Variants in SUPT3H observed in about 807,000 individuals in gnomAD.
The protein encoded by SUPT3H is SPT3 homolog, SAGA and STAGA complex component.
In SUPT3H, 44 loss-of-function variants were observed where a neutral mutation model predicts 44.3. That is an observed-to-expected ratio of 0.99 (90% CI 0.78 to 1.28). The LOEUF (loss-of-function observed/expected upper bound fraction) is 1.28, where lower values mean the gene tolerates loss of function less well. Ranked by LOEUF, SUPT3H falls within the 50% of genes most tolerant of loss-of-function variation. SUPT3H has a pLI of 0.00. For synonymous variants in SUPT3H, 124 were observed against 125.6 expected, an observed-to-expected ratio of 0.99 and a Z score of 0.09; for missense variants, 380 against 387.1, an observed-to-expected ratio of 0.98 and a Z score of 0.15.
chr6:44,854,228 T>G (rs1773374336), intron 10 of SUPT3H, among the ~76,000 whole-genome samples: 1 of 152,166 alleles, frequency 6.6e-6, no homozygotes, highest in Non-Finnish European at 1.5e-5. Context: ...AATGATTTTT[T>G]TTGTCTTGTT....
intron 6 of SUPT3H, among the ~76,000 whole-genome samples, chr6:44,983,505 GA>G (rs995394979): frequency 1.8e-4 from 27 of 151,838 alleles, no homozygotes; most frequent in African/African-American, 5.5e-4. Context: ...AAGAAAGAAA[GA>G]AAAAAAATCC....
At chr6:45,221,377 TATAATA>T (rs925180061) in intron 2 of SUPT3H, among the ~76,000 whole-genome samples, 1 of 151,756 alleles carries the variant, frequency 6.6e-6, no homozygotes, top group Non-Finnish European at 1.5e-5. Flanking sequence ...TAATATAAAA[TATAATA>T]ATAAGAGTGA....
intron 6 of SUPT3H, among the ~76,000 whole-genome samples, chr6:44,993,224 A>C (rs1464334742): frequency 6.6e-6 from 1 of 152,112 alleles, no homozygotes; most frequent in East Asian, 1.9e-4. Flanking sequence ...TCACACCTGT[A>C]TGTGAGGTGC....
At chr6:45,124,595 A>G (rs1433877909) in intron 2 of SUPT3H, among the ~76,000 whole-genome samples, 1 of 151,454 alleles carries the variant, frequency 6.6e-6, no homozygotes, top group East Asian at 1.9e-4. Context: ...CAGCAAGCTG[A>G]GATTGCAGCA....
intron 2 of SUPT3H, among the ~76,000 whole-genome samples, chr6:45,129,375 G>T (rs1803048447): frequency 6.6e-6 from 1 of 152,184 alleles, no homozygotes; most frequent in South Asian, 2.1e-4. Context: ...AATGAAAAAG[G>T]CTTAGTATAG....
At chr6:44,971,923 C>T (rs1777627280) in intron 6 of SUPT3H, among the ~76,000 whole-genome samples, 1 of 151,882 alleles carries the variant, frequency 6.6e-6, no homozygotes, top group African/African-American at 2.4e-5. Context: ...CAGGCGCCTG[C>T]CACCACACCC....
intron 6 of SUPT3H, among the ~76,000 whole-genome samples, chr6:44,999,399 G>T (rs4714831): frequency 0.97 from 146,779 of 152,098 alleles, 70,854 homozygotes; most frequent in East Asian, 1. Flanking sequence ...TGCACCTGAA[G>T]GGTGGTGTTT....
intron 6 of SUPT3H, among the ~76,000 whole-genome samples, chr6:45,002,733 C>T (rs2153505603): frequency 6.6e-6 from 1 of 152,194 alleles, no homozygotes; most frequent in East Asian, 1.9e-4. Flanking sequence ...CTTTAGATCA[C>T]AGTTCATGAT....
intron 9 of SUPT3H, among the ~76,000 whole-genome samples, chr6:44,944,621 G>A (rs1223615914): frequency 2.6e-5 from 4 of 151,194 alleles, no homozygotes; most frequent in Non-Finnish European, 4.4e-5. Context: ...AATTAGCTAG[G>A]CGTAGTGGTG....
At chr6:44,863,996 C>T (rs1046855623) in intron 10 of SUPT3H, among the ~76,000 whole-genome samples, 1 of 151,812 alleles carries the variant, frequency 6.6e-6, no homozygotes, top group Non-Finnish European at 1.5e-5. Context: ...TATGGGAGTA[C>T]AATTCAAGAT....
chr6:44,998,711 T>C (rs1176627899), intron 6 of SUPT3H, among the ~76,000 whole-genome samples: 1 of 151,964 alleles, frequency 6.6e-6, no homozygotes, highest in Non-Finnish European at 1.5e-5. Flanking sequence ...TGTTCTTATA[T>C]TTGCAAAGAA....
At chr6:44,912,872 T>G (rs1371754647) in intron 10 of SUPT3H, among the ~76,000 whole-genome samples, 1 of 152,212 alleles carries the variant, frequency 6.6e-6, no homozygotes, top group African/African-American at 2.4e-5. Context: ...ACCATAGATG[T>G]TCAGTTTCTT....
chr6:45,004,093 A>T (rs1346341246), intron 5 of SUPT3H, among the ~76,000 whole-genome samples: 1 of 152,158 alleles, frequency 6.6e-6, no homozygotes, highest in Admixed American at 6.6e-5. Flanking sequence ...TTGGAAAAAG[A>T]ATACTGTTAT....
chr6:45,038,459 A>AT (rs1484606359), intron 3 of SUPT3H, among the ~76,000 whole-genome samples: 7 of 152,188 alleles, frequency 4.6e-5, no homozygotes, highest in Non-Finnish European at 1.0e-4. Context: ...AGAGCTATTC[A>AT]TGTTTTTTGT....
intron 2 of SUPT3H, among the ~76,000 whole-genome samples, chr6:45,320,206 A>C (rs1209644871): frequency 6.6e-6 from 1 of 152,142 alleles, no homozygotes; most frequent in African/African-American, 2.4e-5. Context: ...CTTCATTATT[A>C]CAAGTCATTC....
intron 2 of SUPT3H, among the ~76,000 whole-genome samples, chr6:45,215,521 A>G (rs1455580041): frequency 1.3e-5 from 2 of 152,198 alleles, no homozygotes; most frequent in South Asian, 2.1e-4. Context: ...TTGGAGTTAA[A>G]GAATTCAATG....
chr6:45,078,992 C>T (rs1394111247), intron 3 of SUPT3H, among the ~76,000 whole-genome samples: 2 of 152,122 alleles, frequency 1.3e-5, no homozygotes, highest in African/African-American at 2.4e-5. Flanking sequence ...TCTCCCCATA[C>T]TTGGGAAGTT....
At chr6:45,012,177 AT>A (rs1441313349) in intron 5 of SUPT3H, among the ~76,000 whole-genome samples, 1 of 150,562 alleles carries the variant, frequency 6.6e-6, no homozygotes, top group Non-Finnish European at 1.5e-5. Context: ...GCTTGTTGAT[AT>A]GCTTGAATTA....
intron 3 of SUPT3H, among the ~76,000 whole-genome samples, chr6:45,090,871 T>C (rs1797042581): frequency 6.6e-6 from 1 of 151,872 alleles, no homozygotes; most frequent in South Asian, 2.1e-4. Flanking sequence ...ACTTCTTGTA[T>C]TATCATCAAA....
Sources: gnomAD v4.1 joint callset for allele counts (sites outside exome capture counted in the v4.1 genomes callset) on GRCh38, gnomAD v4.1.1 for gene constraint, MANE v1.5 for transcripts, NCBI Gene and HGNC (gene_info 2026-07-23, HGNC 2026-07-21) for gene names.